The following SHISA9 variants were observed in gnomAD, a reference collection of about 807,000 sequenced individuals.
SHISA9 encodes the protein protein shisa-9.
A neutral mutation model predicts 38.0 loss-of-function variants in SHISA9; 13 were observed. The observed-to-expected ratio is 0.34, with a 90% confidence interval of 0.22 to 0.54. The LOEUF is 0.54. Among genes scored for constraint, SHISA9 ranks in the 20% least tolerant of loss-of-function variants. SHISA9 has a pLI of 0.91. For missense variants in SHISA9, 538 were observed against 575.8 expected, an observed-to-expected ratio of 0.93 and a Z score of 0.67; for synonymous variants, 275 against 242.0, an observed-to-expected ratio of 1.14 and a Z score of -1.27.
In SHISA9 at chr16:13,037,058, TCACACA is replaced by T. The variant is rs66529584; in HGVS notation, c.691+120263_691+120268del. On this transcript the variant is annotated intron_variant, in intron 2 of 4. Transcript: ENST00000558583. ...TAAGTAAAAGGAAAGCAGGGAATGA[TCACACA>T]CACACACACACACACACACCACACC... Among the ~76,000 whole-genome samples the T allele has an allele frequency of 1.3e-4, 17 of 135,898 alleles. 1 individual carries two copies. The highest frequency in any genetic ancestry group is 2.0e-4 in the Non-Finnish European group (13 of 65,074). 89.2% of individuals were successfully genotyped at this position (135,898 alleles called of 152,430 possible). A position where few individuals can be genotyped will look rare whatever the true frequency, so the allele number is the denominator to read the frequency against.
At chr16:12,964,763 A>G (rs928173516) in intron 2 of SHISA9, among the ~76,000 whole-genome samples, 1 of 152,190 alleles carries the variant, frequency 6.6e-6, no homozygotes, top group Non-Finnish European at 1.5e-5. Context: ...TTAAACCTCA[A>G]AGAAGTTACT....
chr16:13,094,178 C>G (rs567344857), intron 2 of SHISA9, among the ~76,000 whole-genome samples: 1 of 152,274 alleles, frequency 6.6e-6, no homozygotes, highest in Admixed American at 6.5e-5. Context: ...TAAAGTATGA[C>G]AAATTTCCCA....
chr16:13,357,290 T>C, the SHISA9 span, among the ~76,000 whole-genome samples: 1 of 152,144 alleles, frequency 6.6e-6, no homozygotes, highest in Non-Finnish European at 1.5e-5. Flanking sequence ...AACATGTCTC[T>C]TTTGTCTCTA....
intron 2 of SHISA9, among the ~76,000 whole-genome samples, chr16:13,014,796 G>T (rs1433153099): frequency 2.0e-5 from 3 of 152,176 alleles, no homozygotes; most frequent in Admixed American, 2.0e-4. Flanking sequence ...CTCACAGTGG[G>T]ACTTTGTTCT....
the SHISA9 span, among the ~76,000 whole-genome samples, chr16:13,320,523 C>A: frequency 6.6e-6 from 1 of 152,180 alleles, no homozygotes; most frequent in South Asian, 2.1e-4. Context: ...CAGCACTGTA[C>A]CAAGAGCCAC....
In SHISA9 at chr16:13,237,888, C is replaced by G. The variant is rs888093695; in HGVS notation, c.*2479C>G. The G allele has an allele frequency of 1.3e-5, 2 of 152,074 alleles. No individual in the cohort carries two copies. The highest frequency in any genetic ancestry group is 1.3e-4 in the Admixed American group (2 of 15,254). The allele number at this position is 152,074 out of a possible 1,614,324, so 9.4% of individuals were successfully genotyped here. ...ATGTACCTGCAACACACTTTGGCAT[C>G]TCTGTATATCACCTTCACAATATTT... On this transcript the variant is annotated 3_prime_UTR_variant, in exon 5 of 5. Transcript: ENST00000558583.
At chr16:13,492,032 G>A in the SHISA9 span, among the ~76,000 whole-genome samples, 1 of 151,166 alleles carries the variant, frequency 6.6e-6, no homozygotes, top group Non-Finnish European at 1.5e-5. Flanking sequence ...GTATCTGCCT[G>A]TTTTAGATTC....
intron 4 of SHISA9, among the ~76,000 whole-genome samples, chr16:13,228,468 G>T (rs1324336936): frequency 6.6e-6 from 1 of 152,156 alleles, no homozygotes; most frequent in Non-Finnish European, 1.5e-5. Context: ...TATTTTGTCT[G>T]CTTCTCAGAA....
At chr16:13,026,530 A>G (rs139634626) in intron 2 of SHISA9, among the ~76,000 whole-genome samples, 215 of 152,316 alleles carry the variant, frequency 1.4e-3, no homozygotes, top group African/African-American at 4.6e-3. Context: ...TAATGCTGCA[A>G]TGGACATGGG....
chr16:13,303,959 A>C, the SHISA9 span, among the ~76,000 whole-genome samples: 1 of 152,086 alleles, frequency 6.6e-6, no homozygotes, highest in East Asian at 1.9e-4. Flanking sequence ...ACAAAGTTGA[A>C]TTGTCCTTAA....
At chr16:13,312,755 G>C in the SHISA9 span, among the ~76,000 whole-genome samples, 1 of 152,098 alleles carries the variant, frequency 6.6e-6, no homozygotes, top group Admixed American at 6.6e-5. Flanking sequence ...GCTCTCAACA[G>C]ATTTCCATCC....
intron 2 of SHISA9, among the ~76,000 whole-genome samples, chr16:12,921,371 C>T (rs540530940): frequency 1.6e-4 from 24 of 152,276 alleles, no homozygotes; most frequent in South Asian, 4.1e-4. Context: ...TTTCTGAGGA[C>T]GCTGTATAGC....
At chr16:13,458,591 T>A in the SHISA9 span, 1 of 398,788 alleles carries the variant, frequency 2.5e-6, no homozygotes, top group Admixed American at 3.5e-5. Flanking sequence ...ATACCCAGAC[T>A]TAGAATCCAG....
chr16:13,169,573 G>A (rs1380784460), intron 2 of SHISA9, among the ~76,000 whole-genome samples: 1 of 152,108 alleles, frequency 6.6e-6, no homozygotes, highest in Non-Finnish European at 1.5e-5. Flanking sequence ...CCACAACTCT[G>A]GCTAAAGAAT....
At chr16:13,403,641 A>G in the SHISA9 span, among the ~76,000 whole-genome samples, 1 of 152,236 alleles carries the variant, frequency 6.6e-6, no homozygotes. Flanking sequence ...GCAAAGAGTC[A>G]TCACACTTAT....
At chr16:13,255,111 G>A in the SHISA9 span, among the ~76,000 whole-genome samples, 4 of 151,924 alleles carry the variant, frequency 2.6e-5, no homozygotes, top group Non-Finnish European at 4.4e-5. Flanking sequence ...TGCCTGTTAC[G>A]TCCCCTAACC....
At chr16:12,925,846 C>G (rs906033056) in intron 2 of SHISA9, among the ~76,000 whole-genome samples, 1 of 152,008 alleles carries the variant, frequency 6.6e-6, no homozygotes, top group Non-Finnish European at 1.5e-5. Context: ...AAAACAATTG[C>G]TTTTTTTCTG....
chr16:13,027,941 A>C lies in SHISA9; in HGVS notation c.691+111126A>C, dbSNP rs530965184. The stretch of plus-strand genomic sequence containing the variant: ...AAGCTCTGTCTCAAAAACAAAAAAA[A>C]AAAAAAAAAAAAAGAATGTATACTG... On this transcript the variant is annotated intron_variant, in intron 2 of 4. Transcript: ENST00000558583. Among the ~76,000 whole-genome samples, 78 of 150,990 alleles carry C rather than the reference A, an allele frequency of 5.2e-4. 1 individual carries two copies. The highest frequency in any genetic ancestry group is 1.8e-3 in the African/African-American group (76 of 41,226).
At chr16:13,291,270 A>G in the SHISA9 span, among the ~76,000 whole-genome samples, 70 of 152,302 alleles carry the variant, frequency 4.6e-4, 1 homozygote, top group South Asian at 0.014. Context: ...TTTTTTATTG[A>G]TCAAAGCCAG....
Sources: gnomAD v4.1 joint callset for allele counts (sites outside exome capture counted in the v4.1 genomes callset) on GRCh38, gnomAD v4.1.1 for gene constraint, MANE v1.5 for transcripts, NCBI Gene and HGNC (gene_info 2026-07-23, HGNC 2026-07-21) for gene names.